The following ALPK1 variants were observed in gnomAD, a reference collection of about 807,000 sequenced individuals.
ALPK1 encodes alpha-protein kinase 1.
ALPK1 carries 110 observed loss-of-function variants against 120.6 expected under a neutral mutation model. That is an observed-to-expected ratio of 0.91 (90% CI 0.78 to 1.07). The LOEUF (loss-of-function observed/expected upper bound fraction) is 1.07, where lower values mean the gene tolerates loss of function less well. Ranked by LOEUF, ALPK1 falls within the 50% of genes least tolerant of loss-of-function variation. The pLI, the probability that ALPK1 is intolerant of heterozygous loss-of-function variation, is 0.00. For synonymous variants in ALPK1, 582 were observed against 560.3 expected, an observed-to-expected ratio of 1.04 and a Z score of -0.55; for missense variants, 1,498 against 1,483.9, an observed-to-expected ratio of 1.01 and a Z score of -0.16.
chr4:112,350,011 C>T (rs189110832), intron 2 of ALPK1, among the ~76,000 whole-genome samples: 1 of 152,294 alleles, frequency 6.6e-6, no homozygotes, highest in African/African-American at 2.4e-5. Context: ...CCTAAAGCTA[C>T]TCAGCTAGTA....
intron 5 of ALPK1, chr4:112,414,534 G>A (rs1019900035): frequency 2.0e-5 from 6 of 298,498 alleles, no homozygotes; most frequent in South Asian, 5.7e-5. Flanking sequence ...CTTGAACTCC[G>A]GAGGTGGAAG....
intron 4 of ALPK1, among the ~76,000 whole-genome samples, chr4:112,405,158 C>T (rs1560673167): frequency 6.6e-6 from 1 of 152,144 alleles, no homozygotes; most frequent in Non-Finnish European, 1.5e-5. Context: ...GGTACTCTGC[C>T]CTGTGAACTC....
intron 1 of ALPK1, among the ~76,000 whole-genome samples, chr4:112,303,876 T>C (rs1054127633): frequency 6.6e-6 from 1 of 152,114 alleles, no homozygotes; most frequent in African/African-American, 2.4e-5. Flanking sequence ...ATTAGGTATA[T>C]CTCCTAATGC....
intron 1 of ALPK1, among the ~76,000 whole-genome samples, chr4:112,311,130 T>G (rs2110531834): frequency 6.6e-6 from 1 of 152,330 alleles, no homozygotes; most frequent in East Asian, 1.9e-4. Context: ...GGAGACTTAC[T>G]GTGTGGTTGG....
intron 2 of ALPK1, chr4:112,359,210 C>A (rs1560652434): frequency 3.4e-6 from 2 of 590,426 alleles, no homozygotes; most frequent in Non-Finnish European, 6.1e-6. Context: ...ACCCTGGCAG[C>A]CACCCACAGT....
rs1735032471 is a variant in ALPK1 at position 112,441,260 on chromosome 4, G to A, written c.*50G>A. ...GGGCTTGGGCAGGGCCGTGACACAGGTTCTGGCCAATGATTTGCAAGAGGA... is the reference window on the plus strand; with the variant it reads ...GGGCTTGGGCAGGGCCGTGACACAGATTCTGGCCAATGATTTGCAAGAGGA... On this transcript the variant is annotated 3_prime_UTR_variant, in exon 16 of 16. Transcript: ENST00000650871. 5 of 1,228,916 alleles carry A rather than the reference G, an allele frequency of 4.1e-6. No homozygotes were observed. The highest frequency in any genetic ancestry group is 1.2e-5 in the South Asian group (1 of 83,622). 76.1% of individuals were successfully genotyped at this position (1,228,916 alleles called of 1,614,324 possible).
intron 2 of ALPK1, among the ~76,000 whole-genome samples, chr4:112,360,295 A>G (rs1231882001): frequency 2.0e-5 from 3 of 152,150 alleles, no homozygotes; most frequent in African/African-American, 4.8e-5. Flanking sequence ...TTGTGTGTAT[A>G]TATATATGAC....
chr4:112,357,651 C>T, intron 2 of ALPK1: 1 of 1,608,318 alleles, frequency 6.2e-7, no homozygotes, highest in Non-Finnish European at 8.5e-7. Context: ...AGCACCAGAT[C>T]TGGGTGGGGA....
chr4:112,358,964 C>T, intron 2 of ALPK1: 1 of 768,860 alleles, frequency 1.3e-6, no homozygotes, highest in Non-Finnish European at 2.4e-6. Context: ...TGCAGCCCCA[C>T]CACAAGCAGC....
chr4:112,439,934 C>A, intron 14 of ALPK1, 62 bp downstream of exon 14: 1 of 1,360,722 alleles, frequency 7.3e-7, no homozygotes, highest in Non-Finnish European at 9.9e-7. Context: ...AGTTTTGTAA[C>A]TAGCTTCCCT....
intron 10 of ALPK1, among the ~76,000 whole-genome samples, chr4:112,429,667 C>T (rs1157530998): frequency 1.3e-5 from 2 of 151,808 alleles, no homozygotes; most frequent in African/African-American, 4.8e-5. Context: ...GACTTTGTCT[C>T]TACAAAAAAT....
At chr4:112,402,871 A>C (rs1015675504) in intron 4 of ALPK1, among the ~76,000 whole-genome samples, 1 of 152,178 alleles carries the variant, frequency 6.6e-6, no homozygotes, top group Non-Finnish European at 1.5e-5. Flanking sequence ...CTGTGACACT[A>C]CCTAAAAAGA....
intron 4 of ALPK1, among the ~76,000 whole-genome samples, chr4:112,389,786 C>T (rs1172493304): frequency 1.3e-5 from 2 of 152,212 alleles, no homozygotes; most frequent in East Asian, 1.9e-4. Context: ...TCCCTCTCTT[C>T]CCTGCTCTCA....
chr4:112,328,917 A>G (rs556012018), intron 2 of ALPK1, among the ~76,000 whole-genome samples: 68 of 152,162 alleles, frequency 4.5e-4, no homozygotes, highest in Non-Finnish European at 9.7e-4. Flanking sequence ...ATCCCCAGAG[A>G]GCCTCGCAGC....
chr4:112,356,548 C>T, intron 2 of ALPK1: 4 of 829,640 alleles, frequency 4.8e-6, no homozygotes, highest in Non-Finnish European at 8.4e-6. Context: ...GTGCTGGGCT[C>T]CCGGGAGCAG....
intron 2 of ALPK1, among the ~76,000 whole-genome samples, chr4:112,334,990 G>A (rs976644818): frequency 6.6e-6 from 1 of 152,196 alleles, no homozygotes; most frequent in Non-Finnish European, 1.5e-5. Flanking sequence ...AGGGCACAGT[G>A]GCTCATGCCT....
At chr4:112,320,989 C>T (rs1728845623) in intron 2 of ALPK1, among the ~76,000 whole-genome samples, 1 of 151,298 alleles carries the variant, frequency 6.6e-6, no homozygotes, top group South Asian at 2.1e-4. Flanking sequence ...CTCCGCCTCC[C>T]AGGTTCACGC....
At chr4:112,326,704 G>A (rs1472600029) in intron 2 of ALPK1, among the ~76,000 whole-genome samples, 4 of 152,156 alleles carry the variant, frequency 2.6e-5, no homozygotes, top group Admixed American at 6.5e-5. Flanking sequence ...AGCAACCTCC[G>A]AAGAAAAATG....
chr4:112,431,807 A>G lies in ALPK1; in HGVS notation c.2260A>G (p.Asn754Asp), dbSNP rs779928548. The G allele has an allele frequency of 5.0e-6, 8 of 1,614,198 alleles. No homozygotes were observed. In the South Asian group the frequency reaches 7.7e-5, roughly 16 times the overall value. Reference protein sequence around the residue: ...FEIIVEFPETNCDVKDRQGKE... With the variant: ...FEIIVEFPETDCDVKDRQGKE... ...AATAATTGTTGAGTTTCCAGAAACC[A>G]ACTGCGATGTCAAAGACAGGCAGGG... Residue 754 changes from asparagine to aspartate, a missense_variant, in exon 11 of 16, where the codon AAC becomes GAC. Physicochemically the swap from Asn to Asp is conservative, Grantham distance 23. Transcript: ENST00000650871.
Sources: allele counts gnomAD v4.1 joint callset (sites outside exome capture counted in the v4.1 genomes callset), GRCh38; gene constraint gnomAD v4.1.1; transcripts MANE v1.5; gene names NCBI Gene and HGNC (gene_info 2026-07-23, HGNC 2026-07-21).